The following SLC12A2 variants were observed in gnomAD, a reference collection of about 807,000 sequenced individuals.
SLC12A2 encodes solute carrier family 12 member 2, also known as Na-K-2Cl cotransporter 1.
SLC12A2 carries 67 observed loss-of-function variants against 136.3 expected under a neutral mutation model. The observed-to-expected ratio is 0.49, with a 90% CI of 0.40 to 0.60. SLC12A2 has a LOEUF of 0.60. Among genes scored for constraint, SLC12A2 ranks in the 20% least tolerant of loss-of-function variants. The probability of loss-of-function intolerance (pLI) is 0.00; values close to 1 mark genes in which losing one functional copy is unlikely to be tolerated. For synonymous variants in SLC12A2, 619 were observed against 562.9 expected, an observed-to-expected ratio of 1.10 and a Z score of -1.41; for missense variants, 1,322 against 1,534.7, an observed-to-expected ratio of 0.86 and a Z score of 2.32.
intron 13 of SLC12A2, among the ~76,000 whole-genome samples, chr5:128,150,853 G>T (rs1762680230): frequency 6.6e-6 from 1 of 151,698 alleles, no homozygotes; most frequent in Non-Finnish European, 1.5e-5. Flanking sequence ...TTAGACTATG[G>T]ATATGGGTCA....
Position 128,083,774 on chromosome 5 carries a change from G to C in SLC12A2, c.-181G>C, listed in dbSNP as rs528728980. 10 of 395,466 alleles carry C rather than the reference G, an allele frequency of 2.5e-5. No homozygotes were observed. The Admixed American group carries it at 3.7e-4, about 15-fold the overall frequency. The allele number at this position is 395,466 out of a possible 1,614,324, so 24.5% of individuals were successfully genotyped here. A position where few individuals can be genotyped will look rare whatever the true frequency, so the allele number is the denominator to read the frequency against. ...CCCGCCCCGCGCCCGCCACACTCGC[G>C]CGCTCGCTCGGCTGCCGGTGGCCTC... On this transcript the variant is annotated 5_prime_UTR_variant, in exon 1 of 27. Coordinates refer to ENST00000262461, the MANE Select transcript of SLC12A2 (RefSeq NM_001046.3).
intron 16 of SLC12A2, among the ~76,000 whole-genome samples, chr5:128,160,254 G>A (rs1026535302): frequency 3.3e-5 from 5 of 152,184 alleles, no homozygotes; most frequent in East Asian, 1.9e-4. Flanking sequence ...GGGGGGGCTC[G>A]GGGAGGGATA....
intron 1 of SLC12A2, among the ~76,000 whole-genome samples, chr5:128,088,122 G>C (rs1760172162): frequency 1.3e-5 from 2 of 151,802 alleles, no homozygotes; most frequent in Non-Finnish European, 2.9e-5. Context: ...TACTTAGGGA[G>C]AGTGGTAGAT....
At chr5:128,112,783 A>G in intron 1 of SLC12A2, 31 bp from the exon 2 acceptor site, 1 of 1,544,780 alleles carries the variant, frequency 6.5e-7, no homozygotes, top group Non-Finnish European at 8.8e-7. Context: ...TTTAAATGTT[A>G]AGCATAATTC....
chr5:128,110,859 C>G (rs371697670), intron 1 of SLC12A2: 1 of 1,413,292 alleles, frequency 7.1e-7, no homozygotes, highest in East Asian at 2.3e-5. Context: ...GTTATTATTT[C>G]AAACTTTTCC....
In SLC12A2 at chr5:128,152,755, G is replaced by A. The variant is rs1581116482; in HGVS notation, c.2313G>A (p.Leu771=). 2 of 1,613,642 alleles carry A rather than the reference G, an allele frequency of 1.2e-6. No homozygotes were observed. Among genetic ancestry groups the A allele is most frequent in the East Asian group, 4.5e-5 (2 of 44,856 alleles). ...STQALTYLNA[L]QHSIRLSGVE... ...AAGCCCTGACTTACCTGAATGCACT[G>A]CAGCATTCAATTCGTCTTTCTGGAG... is the stretch of plus-strand genomic sequence containing the variant. The change falls in exon 15 of 27, where the codon CTG becomes CTA. Residue 771 remains leucine, a synonymous_variant. Transcript: ENST00000262461.
At chr5:128,164,853 T>G (rs1044932687) in intron 17 of SLC12A2, among the ~76,000 whole-genome samples, 4 of 150,772 alleles carry the variant, frequency 2.7e-5, no homozygotes, top group African/African-American at 7.3e-5. Flanking sequence ...TTTTGTTTTT[T>G]TTTTTTTTTT....
At position 128,180,938 on chromosome 5, in the gene SLC12A2, T is replaced by C; in HGVS notation, c.3156T>C (p.Cys1052=). ...CGACCAAGAAAAAATGGAAAGACTG[T>C]AAGATCAGAGTATTCATTGGTGGAA... The part of the protein sequence containing the change: ...LLTTKKKWKD[C]KIRVFIGGKI... Residue 1052 remains cysteine (C), a synonymous_variant, in exon 23 of 27, where the codon TGT becomes TGC. Transcript: ENST00000262461. The C allele has an allele frequency of 6.2e-7, 1 of 1,612,950 alleles. No homozygotes were observed. The highest frequency in any genetic ancestry group is 2.2e-5 in the East Asian group (1 of 44,806).
intron 1 of SLC12A2, among the ~76,000 whole-genome samples, chr5:128,087,763 T>C (rs1408672289): frequency 6.6e-6 from 1 of 152,136 alleles, no homozygotes; most frequent in Non-Finnish European, 1.5e-5. Context: ...AAGTGATTAC[T>C]GTGGTCTGGT....
At chr5:128,154,714 C>G (rs998353592) in intron 15 of SLC12A2, among the ~76,000 whole-genome samples, 2 of 152,228 alleles carry the variant, frequency 1.3e-5, no homozygotes, top group Middle Eastern at 3.4e-3. Context: ...GTCAGAACAC[C>G]TTTTTGTTGT....
chr5:128,176,139 A>G lies in SLC12A2; in HGVS notation c.2930-966A>G, dbSNP rs17675823. On this transcript the variant is annotated intron_variant, in intron 20 of 26. Coordinates refer to ENST00000262461, the MANE Select transcript of SLC12A2 (RefSeq NM_001046.3). ...GTCTATCTTGGTTATTGAAGCATAC[A>G]TCATGCAAGAAGTCAAAAAGAACAC... Among the ~76,000 whole-genome samples the G allele has an allele frequency of 3.4e-3, 525 of 152,184 alleles. 2 individuals are homozygous for G. Among genetic ancestry groups the G allele is most frequent in the Non-Finnish European group, 5.7e-3 (389 of 67,900 alleles).
chr5:128,158,604 T>C (rs911965722), intron 16 of SLC12A2, among the ~76,000 whole-genome samples: 1 of 152,206 alleles, frequency 6.6e-6, no homozygotes, highest in South Asian at 2.1e-4. Flanking sequence ...AGTCTACCAT[T>C]GATGGGCATT....
chr5:128,162,881 T>C (rs949237561), intron 17 of SLC12A2, among the ~76,000 whole-genome samples: 3 of 152,196 alleles, frequency 2.0e-5, no homozygotes, highest in Non-Finnish European at 2.9e-5. Context: ...TGGCCCAGGA[T>C]GGCTTTGAAT....
At chr5:128,090,978 G>A (rs192782071) in intron 1 of SLC12A2, among the ~76,000 whole-genome samples, 4 of 152,278 alleles carry the variant, frequency 2.6e-5, no homozygotes, top group Non-Finnish European at 5.9e-5. Context: ...GATTTGACAT[G>A]ATCTGACTTA....
intron 25 of SLC12A2, 135 bp downstream of exon 25, chr5:128,184,636 GA>G (rs1763811394): frequency 7.3e-7 from 1 of 1,376,708 alleles, no homozygotes; most frequent in Non-Finnish European, 9.9e-7. Flanking sequence ...GAGGTTAGTG[GA>G]AAGCATTTTT....
chr5:128,163,879 G>T (rs962528188), intron 17 of SLC12A2, among the ~76,000 whole-genome samples: 3 of 152,108 alleles, frequency 2.0e-5, no homozygotes, highest in Non-Finnish European at 4.4e-5. Flanking sequence ...TAACGGCGCG[G>T]TAGATACATG....
chr5:128,148,702 A>C (rs113135114), intron 11 of SLC12A2, 52 bp from the exon 12 acceptor site: 1 of 1,465,604 alleles, frequency 6.8e-7, no homozygotes. Context: ...ACTATCAGCA[A>C]ATCTGCATGT....
At position 128,169,060 on chromosome 5, in the gene SLC12A2, A is replaced by G. The variant is rs1357623437; in HGVS notation, c.2723+1193A>G. 4.6e-5 allele frequency: 7 copies of G among 152,026 alleles called. No individual in the cohort carries two copies. The East Asian group carries it at 1.2e-3, about 25-fold the overall frequency. The allele number at this position is 152,026 out of a possible 1,614,324, so 9.4% of individuals were successfully genotyped here. Reference sequence around the variant, plus strand: ...TTGCCAGATTTTCTTCTTAATCTTGAAAAGTACTTCTTTTCCTACTATTCT... The same window carrying G: ...TTGCCAGATTTTCTTCTTAATCTTGGAAAGTACTTCTTTTCCTACTATTCT... On this transcript the variant is annotated intron_variant, in intron 18 of 26. Coordinates refer to ENST00000262461, the MANE Select transcript of SLC12A2 (RefSeq NM_001046.3).
intron 1 of SLC12A2, among the ~76,000 whole-genome samples, chr5:128,090,265 A>G (rs1760260175): frequency 6.6e-6 from 1 of 152,226 alleles, no homozygotes; most frequent in African/African-American, 2.4e-5. Context: ...AAAATGTAGC[A>G]AAAAATCAGT....
Sources: gnomAD v4.1 joint callset for allele counts (sites outside exome capture counted in the v4.1 genomes callset) on GRCh38, gnomAD v4.1.1 for gene constraint, MANE v1.5 for transcripts, NCBI Gene and HGNC (gene_info 2026-07-23, HGNC 2026-07-21) for gene names.